The following GRM7 variants were observed in gnomAD, a reference collection of about 807,000 sequenced individuals.
GRM7 encodes the protein glutamate metabotropic receptor 7, also known as metabotropic glutamate receptor 7.
A neutral mutation model predicts 84.5 loss-of-function variants in GRM7; 35 were observed. That is an observed-to-expected ratio of 0.41 (90% confidence interval 0.32 to 0.55). GRM7 has a LOEUF of 0.55. GRM7 is among the 20% of genes least tolerant of loss of function. The pLI is 0.19. For synonymous variants in GRM7, 487 were observed against 455.1 expected (o/e 1.07, Z -0.89); for missense variants, 1,003 against 1,194.6 (o/e 0.84, Z 2.36).
At chr3:7,590,395 A>G (rs1220459717) in intron 8 of GRM7, among the ~76,000 whole-genome samples, 2 of 152,166 alleles carry the variant, frequency 1.3e-5, no homozygotes, top group Non-Finnish European at 2.9e-5. Context: ...AGCCTCATCC[A>G]TTCATCTACG....
At chr3:7,482,355 G>C (rs779706) in intron 7 of GRM7, among the ~76,000 whole-genome samples, 61,459 of 151,962 alleles carry the variant, frequency 0.4, 13,788 homozygotes, top group African/African-American at 0.61. Flanking sequence ...CAAATAAACT[G>C]ACATAACCTG....
intron 8 of GRM7, among the ~76,000 whole-genome samples, chr3:7,623,243 T>C (rs2125089828): frequency 6.6e-6 from 1 of 152,118 alleles, no homozygotes; most frequent in East Asian, 1.9e-4. Flanking sequence ...GACTGAAGGA[T>C]GATGTGCAGC....
intron 7 of GRM7, among the ~76,000 whole-genome samples, chr3:7,507,444 G>GA (rs916111951): frequency 6.6e-6 from 1 of 152,278 alleles, no homozygotes; most frequent in African/African-American, 2.4e-5. Flanking sequence ...GTAACTAATG[G>GA]AAAACGTTTC....
chr3:7,645,829 A>T (rs943751943), intron 8 of GRM7, among the ~76,000 whole-genome samples: 1 of 152,118 alleles, frequency 6.6e-6, no homozygotes. Context: ...ATCTGACCCC[A>T]ATTTTCCTTT....
chr3:7,598,976 C>G (rs757170992), intron 8 of GRM7, among the ~76,000 whole-genome samples: 7 of 152,124 alleles, frequency 4.6e-5, no homozygotes, highest in Non-Finnish European at 7.4e-5. Flanking sequence ...GAATCCTTTT[C>G]TTAAATCTCC....
chr3:7,483,608 A>G (rs571085475), intron 7 of GRM7, among the ~76,000 whole-genome samples: 134 of 152,270 alleles, frequency 8.8e-4, no homozygotes, highest in African/African-American at 3.0e-3. Flanking sequence ...AGGACAATAG[A>G]AAGCCGTGTA....
At chr3:7,372,373 G>A (rs768685357) in intron 4 of GRM7, among the ~76,000 whole-genome samples, 2 of 152,132 alleles carry the variant, frequency 1.3e-5, no homozygotes, top group African/African-American at 4.8e-5. Context: ...TTATAACACT[G>A]AGCAAACACT....
intron 1 of GRM7, among the ~76,000 whole-genome samples, chr3:6,904,134 T>G (rs1696486437): frequency 1.3e-5 from 2 of 152,174 alleles, no homozygotes; most frequent in African/African-American, 2.4e-5. Context: ...AATTCATCCA[T>G]TTTGCTTATA....
At chr3:6,979,347 G>A (rs1167039650) in intron 1 of GRM7, among the ~76,000 whole-genome samples, 2 of 152,156 alleles carry the variant, frequency 1.3e-5, no homozygotes, top group South Asian at 2.1e-4. Flanking sequence ...TCTTTCTGCC[G>A]ATTGGTAGGG....
At chr3:7,401,679 C>T (rs2125158710) in intron 4 of GRM7, among the ~76,000 whole-genome samples, 1 of 152,262 alleles carries the variant, frequency 6.6e-6, no homozygotes, top group East Asian at 1.9e-4. Flanking sequence ...TTTTTGAACT[C>T]ACCTTATTCA....
intron 1 of GRM7, among the ~76,000 whole-genome samples, chr3:7,113,524 A>G (rs1193039498): frequency 6.6e-6 from 1 of 152,162 alleles, no homozygotes; most frequent in Non-Finnish European, 1.5e-5. Context: ...TGCTGGGATT[A>G]CAGGCATGAC....
intron 8 of GRM7, among the ~76,000 whole-genome samples, chr3:7,633,082 G>A (rs1312057834): frequency 6.6e-6 from 1 of 152,256 alleles, no homozygotes. Context: ...GTGCTGGGAT[G>A]TAATGGGTAT....
intron 1 of GRM7, among the ~76,000 whole-genome samples, chr3:6,865,780 C>T (rs1233283862): frequency 2.0e-5 from 3 of 151,942 alleles, no homozygotes; most frequent in African/African-American, 4.8e-5. Context: ...CTCTCTCCAT[C>T]GTAATCCGAT....
intron 5 of GRM7, among the ~76,000 whole-genome samples, chr3:7,451,987 G>C (rs1264769416): frequency 6.6e-6 from 1 of 152,162 alleles, no homozygotes; most frequent in Non-Finnish European, 1.5e-5. Context: ...TGCACGTGAT[G>C]GAAAATGGTG....
chr3:7,198,940 A>T (rs1462072837), intron 2 of GRM7, among the ~76,000 whole-genome samples: 1 of 152,198 alleles, frequency 6.6e-6, no homozygotes, highest in African/African-American at 2.4e-5. Context: ...GATTTCCATG[A>T]TGTATCTTTA....
At chr3:7,167,663 T>C (rs1694842826) in intron 2 of GRM7, among the ~76,000 whole-genome samples, 1 of 151,966 alleles carries the variant, frequency 6.6e-6, no homozygotes, top group Non-Finnish European at 1.5e-5. Flanking sequence ...AAAAGTCAGT[T>C]TGTCTCTTTA....
chr3:6,867,655 C>T (rs1233509149), intron 1 of GRM7, among the ~76,000 whole-genome samples: 1 of 152,134 alleles, frequency 6.6e-6, no homozygotes, highest in Non-Finnish European at 1.5e-5. Flanking sequence ...CAATTAAAAA[C>T]AGCTGCAAAC....
At chr3:7,681,351 G>A (rs1700360172) in intron 9 of GRM7, 1 of 152,152 alleles carries the variant, frequency 6.6e-6, no homozygotes, top group Non-Finnish European at 1.5e-5. Flanking sequence ...AAGTACTCTT[G>A]AAGAAATCCT....
At chr3:7,435,056 C>A (rs572524069) in intron 5 of GRM7, among the ~76,000 whole-genome samples, 1 of 151,862 alleles carries the variant, frequency 6.6e-6, no homozygotes, top group East Asian at 1.9e-4. Flanking sequence ...TTTCATTTTA[C>A]CTAAATTAAT....
Sources: gnomAD v4.1 joint callset for allele counts (sites outside exome capture counted in the v4.1 genomes callset) on GRCh38, gnomAD v4.1.1 for gene constraint, MANE v1.5 for transcripts, NCBI Gene and HGNC (gene_info 2026-07-23, HGNC 2026-07-21) for gene names.